Variants in PEX7 observed in about 807,000 individuals in gnomAD.
PEX7 encodes the protein peroxisomal biogenesis factor 7.
Under a neutral mutation model 47.5 loss-of-function variants are expected in PEX7, and 34 were observed. The observed-to-expected ratio is 0.72, with a 90% CI of 0.54 to 0.95. The LOEUF is 0.95. Among genes scored for constraint, PEX7 ranks in the 40% least tolerant of loss-of-function variants. The pLI, the probability that PEX7 is intolerant of heterozygous loss-of-function variation, is 0.00. For missense variants in PEX7, 394 were observed against 400.3 expected (o/e 0.98, Z 0.13); for synonymous variants, 141 against 148.8 (o/e 0.95, Z 0.38).
intron 3 of PEX7, among the ~76,000 whole-genome samples, chr6:136,829,219 TAAC>T (rs1774250021): frequency 6.6e-6 from 1 of 152,208 alleles, no homozygotes; most frequent in Admixed American, 6.5e-5. Context: ...CAGGCTGCTG[TAAC>T]AAAGTATTAT....
chr6:136,887,384 G>A (rs1334225691), intron 8 of PEX7, among the ~76,000 whole-genome samples: 1 of 151,866 alleles, frequency 6.6e-6, no homozygotes, highest in African/African-American at 2.4e-5. Flanking sequence ...ATCAATATAT[G>A]CAAGGCTGTT....
rs375760800 is a variant in PEX7 at position 136,909,020 on chromosome 6, C to A, written c.904-4438C>A. 1.4e-4 allele frequency among the ~76,000 whole-genome samples: 22 copies of A among 152,286 alleles called. 1 individual carries two copies. Among genetic ancestry groups the A allele is most frequent in the Admixed American group, 1.2e-3 (19 of 15,302 alleles). On this transcript the variant is annotated intron_variant, in intron 9 of 9. Transcript: ENST00000318471. ...TTATGGGACCCCATAATTCCTCTATCATTTTACATATTACGCTACAGTATA... is the reference window on the plus strand; with the variant it reads ...TTATGGGACCCCATAATTCCTCTATAATTTTACATATTACGCTACAGTATA...
intron 8 of PEX7, among the ~76,000 whole-genome samples, chr6:136,896,058 C>A (rs369382783): frequency 3.3e-5 from 5 of 152,152 alleles, no homozygotes; most frequent in African/African-American, 9.7e-5. Flanking sequence ...TGGATAGCTG[C>A]ACACATGTGT....
chr6:136,829,155 A>G (rs917064509), intron 3 of PEX7, among the ~76,000 whole-genome samples: 2 of 152,184 alleles, frequency 1.3e-5, no homozygotes, highest in Admixed American at 6.5e-5. Context: ...CTTTTTAGGT[A>G]TTTGTTACAG....
intron 3 of PEX7, among the ~76,000 whole-genome samples, chr6:136,829,512 G>A: frequency 6.6e-6 from 1 of 152,118 alleles, no homozygotes; most frequent in East Asian, 1.9e-4. Flanking sequence ...ACACTGGGGG[G>A]TTAAGATTTC....
intron 5 of PEX7, among the ~76,000 whole-genome samples, chr6:136,864,230 T>G (rs1015871020): frequency 9.7e-6 from 1 of 103,524 alleles, no homozygotes; most frequent in South Asian, 3.2e-4. Context: ...TGTGGCACAT[T>G]GGAAGCACTC....
At chr6:136,828,991 T>G (rs769441199) in intron 3 of PEX7, among the ~76,000 whole-genome samples, 30 of 152,196 alleles carry the variant, frequency 2.0e-4, no homozygotes, top group Non-Finnish European at 4.3e-4. Flanking sequence ...TAGTTAGACT[T>G]CCTCGTTTTC....
intron 8 of PEX7, among the ~76,000 whole-genome samples, chr6:136,894,003 A>C (rs139219688): frequency 8.9e-4 from 135 of 152,358 alleles, no homozygotes; most frequent in Non-Finnish European, 1.8e-3. Context: ...TTTCAGCTTA[A>C]TTGTTGAAAT....
chr6:136,868,367 T>G (rs1304200528), intron 6 of PEX7, among the ~76,000 whole-genome samples: 1 of 152,190 alleles, frequency 6.6e-6, no homozygotes, highest in African/African-American at 2.4e-5. Context: ...AGTTTTAAAT[T>G]AATTAAAGTT....
rs1254315690 is a variant in PEX7 at position 136,860,808 on chromosome 6, A to C, written c.527-5819A>C. 2.0e-5 allele frequency among the ~76,000 whole-genome samples: 3 copies of C among 152,342 alleles called. No individual in the cohort carries two copies. In the South Asian group the frequency reaches 6.2e-4, roughly 32 times the overall value. On this transcript the variant is annotated intron_variant, in intron 5 of 9. Transcript: ENST00000318471. The stretch of plus-strand genomic sequence containing the variant: ...GTATACAATTTGGTGAATTCTCACA[A>C]TGAACACATCCTTGTAACTGGCACC...
chr6:136,861,155 G>A (rs1233818540), intron 5 of PEX7, among the ~76,000 whole-genome samples: 1 of 152,042 alleles, frequency 6.6e-6, no homozygotes, highest in Non-Finnish European at 1.5e-5. Flanking sequence ...CACAGTCTTG[G>A]CTCATTGTAG....
intron 5 of PEX7, chr6:136,855,813 G>A: frequency 6.8e-6 from 2 of 295,300 alleles, no homozygotes; most frequent in South Asian, 3.4e-5. Flanking sequence ...CATCCAGTTG[G>A]CAAAGTGGAA....
At chr6:136,893,496 T>G (rs1775592909) in intron 8 of PEX7, among the ~76,000 whole-genome samples, 1 of 152,246 alleles carries the variant, frequency 6.6e-6, no homozygotes, top group Non-Finnish European at 1.5e-5. Context: ...GTTTGTGTTT[T>G]GGTGATTTTT....
chr6:136,862,899 C>G (rs1254788185), intron 5 of PEX7, among the ~76,000 whole-genome samples: 1 of 152,132 alleles, frequency 6.6e-6, no homozygotes, highest in African/African-American at 2.4e-5. Flanking sequence ...ACATGCTGTT[C>G]CTAGAAAAAG....
intron 8 of PEX7, among the ~76,000 whole-genome samples, chr6:136,892,484 T>TGGGG (rs1186127068): frequency 6.6e-6 from 1 of 152,240 alleles, no homozygotes; most frequent in Non-Finnish European, 1.5e-5. Context: ...GGCTGCCATT[T>TGGGG]ATTAGCTCTA....
intron 5 of PEX7, among the ~76,000 whole-genome samples, chr6:136,849,039 G>A (rs911728720): frequency 1.3e-5 from 2 of 152,066 alleles, no homozygotes; most frequent in Non-Finnish European, 2.9e-5. Flanking sequence ...GCCTGTTATT[G>A]GTGTATTCAG....
intron 5 of PEX7, among the ~76,000 whole-genome samples, chr6:136,865,249 G>A (rs966031718): frequency 6.6e-6 from 1 of 152,038 alleles, no homozygotes; most frequent in Non-Finnish European, 1.5e-5. Flanking sequence ...TCAGAAATTC[G>A]AGACTAGCCT....
chr6:136,835,187 A>C (rs1049279027), intron 3 of PEX7, among the ~76,000 whole-genome samples: 1 of 151,622 alleles, frequency 6.6e-6, no homozygotes, highest in Non-Finnish European at 1.5e-5. Context: ...AGCCTCCCAA[A>C]GTGTTGGGAT....
At chr6:136,897,211 T>C (rs946561837) in intron 8 of PEX7, among the ~76,000 whole-genome samples, 3 of 152,230 alleles carry the variant, frequency 2.0e-5, no homozygotes, top group African/African-American at 7.2e-5. Flanking sequence ...GGCTCTTGGT[T>C]CTGTGTATTT....
Sources: gnomAD v4.1 joint callset for allele counts (sites outside exome capture counted in the v4.1 genomes callset) on GRCh38, gnomAD v4.1.1 for gene constraint, MANE v1.5 for transcripts, NCBI Gene and HGNC (gene_info 2026-07-23, HGNC 2026-07-21) for gene names.